NFX1: variants seen among roughly 807,000 people sequenced by gnomAD.
The protein encoded by NFX1 is transcriptional repressor NF-X1.
In NFX1, 69 loss-of-function variants were observed where a neutral mutation model predicts 137.2. The observed-to-expected ratio is 0.50, with a 90% CI of 0.41 to 0.61. NFX1 has a LOEUF of 0.61. NFX1 is among the 20% of genes least tolerant of loss of function. NFX1 has a pLI of 0.00. For synonymous variants in NFX1, 495 were observed against 474.1 expected (o/e 1.04, Z -0.57); for missense variants, 1,167 against 1,391.0 (o/e 0.84, Z 2.56).
chr9:33,355,524 T>C (rs1441168555), intron 19 of NFX1, among the ~76,000 whole-genome samples: 1 of 152,232 alleles, frequency 6.6e-6, no homozygotes, highest in Non-Finnish European at 1.5e-5. Context: ...AGCAATGCTT[T>C]ATTCATTTTT....
intron 17 of NFX1, among the ~76,000 whole-genome samples, 163 bp from the exon 18 acceptor site, chr9:33,353,923 C>CCCA (rs1823728844): frequency 6.6e-6 from 1 of 152,150 alleles, no homozygotes; most frequent in Admixed American, 6.5e-5. Context: ...CTCCTGACCT[C>CCCA]AGGTGATCCA....
At chr9:33,309,908 T>G (rs1358168250) in intron 5 of NFX1, among the ~76,000 whole-genome samples, 2 of 152,216 alleles carry the variant, frequency 1.3e-5, no homozygotes, top group Non-Finnish European at 2.9e-5. Flanking sequence ...TCCAGGCTTC[T>G]GAGATATTTG....
rs1017842383 is a variant in NFX1 at position 33,370,182 on chromosome 9, C to T, written c.*204C>T. ...AAAGTGTTTCATTATGACCAGATCT[C>T]TGATTGTATGGTCACTAGGTATGCA... On this transcript the variant is annotated 3_prime_UTR_variant, in exon 24 of 24. Transcript: ENST00000379540. 4.3e-5 allele frequency: 21 copies of T among 493,004 alleles called. No individual in the cohort carries two copies. The highest frequency in any genetic ancestry group is 6.4e-5 in the Non-Finnish European group (18 of 281,990). 30.5% of individuals were successfully genotyped at this position (493,004 alleles called of 1,614,324 possible). A position where few individuals can be genotyped will look rare whatever the true frequency, so the allele number is the denominator to read the frequency against.
chr9:33,323,528 G>A (rs1280128815), intron 9 of NFX1, among the ~76,000 whole-genome samples: 1 of 152,148 alleles, frequency 6.6e-6, no homozygotes, highest in African/African-American at 2.4e-5. Flanking sequence ...GCTGAGGCAG[G>A]AGGATCACGA....
At chr9:33,319,649 A>C (rs1016540274) in intron 9 of NFX1, among the ~76,000 whole-genome samples, 2 of 152,150 alleles carry the variant, frequency 1.3e-5, no homozygotes, top group African/African-American at 4.8e-5. Flanking sequence ...AGCTGGGACT[A>C]CAGGCGCACA....
rs372376101 is a variant in NFX1 at position 33,369,981 on chromosome 9, A to T, written c.*3A>T. 8 of 1,606,696 alleles carry T rather than the reference A, an allele frequency of 5.0e-6. No individual in the cohort carries two copies. The highest frequency in any genetic ancestry group is 6.8e-6 in the Non-Finnish European group (8 of 1,173,870). ...ACTATTTTGACGTCCAGGACTAAGA[A>T]GATCATGATGCACTTAGATAAAAGA... On this transcript the variant is annotated 3_prime_UTR_variant, in exon 24 of 24. Transcript: ENST00000379540.
Position 33,354,827 on chromosome 9 carries a change from A to T in NFX1, c.2832-24A>T, listed in dbSNP as rs762457413. The T allele has an allele frequency of 1.2e-5, 20 of 1,607,670 alleles. No homozygotes were observed. In the Admixed American group the frequency reaches 2.4e-4, roughly 19 times the overall value. The stretch of plus-strand genomic sequence containing the variant: ...CTGTACAGTCTGTATTCTGACTTTA[A>T]TTTTTTTTCATTTGCTTATCAAGGC... On this transcript the variant is annotated intron_variant, in intron 18 of 23. Transcript: ENST00000379540.
intron 19 of NFX1, among the ~76,000 whole-genome samples, chr9:33,361,314 A>T (rs1038601224): frequency 6.6e-6 from 1 of 152,116 alleles, no homozygotes. Flanking sequence ...AATTTTTAAA[A>T]TTTTTTTATT....
chr9:33,321,419 C>T (rs1379092019), intron 9 of NFX1, among the ~76,000 whole-genome samples: 6 of 152,142 alleles, frequency 3.9e-5, no homozygotes, highest in Non-Finnish European at 7.4e-5. Context: ...ATAGAAAGCT[C>T]GCTTAGGTCT....
At chr9:33,328,743 G>A in intron 10 of NFX1, 65 bp downstream of exon 10, 1 of 1,339,280 alleles carries the variant, frequency 7.5e-7, no homozygotes, top group Non-Finnish European at 1.1e-6. Flanking sequence ...GATTATGGGA[G>A]GGGAGGAATC....
At chr9:33,328,475 G>A in intron 9 of NFX1, 106 bp from the exon 10 acceptor site, 2 of 733,734 alleles carry the variant, frequency 2.7e-6, no homozygotes, top group East Asian at 5.0e-5. Context: ...CTCTGATTCT[G>A]GAGTTGCAGG....
chr9:33,326,626 G>T (rs569532365), intron 9 of NFX1, among the ~76,000 whole-genome samples: 2 of 152,056 alleles, frequency 1.3e-5, no homozygotes, highest in South Asian at 2.1e-4. Flanking sequence ...AGGCTAAAGT[G>T]GGGGATCACT....
chr9:33,334,013 C>T (rs1389629500), intron 11 of NFX1, among the ~76,000 whole-genome samples: 14 of 152,046 alleles, frequency 9.2e-5, no homozygotes, highest in African/African-American at 2.7e-4. Context: ...AGTACAGTGG[C>T]GCACCCCTGT....
At chr9:33,312,559 T>G (rs1406470058) in intron 6 of NFX1, among the ~76,000 whole-genome samples, 2 of 152,250 alleles carry the variant, frequency 1.3e-5, no homozygotes, top group African/African-American at 2.4e-5. Flanking sequence ...GAAAGAGACT[T>G]GAAGACAATT....
At chr9:33,337,065 C>G (rs1345091749) in intron 11 of NFX1, among the ~76,000 whole-genome samples, 2 of 152,106 alleles carry the variant, frequency 1.3e-5, no homozygotes, top group East Asian at 1.9e-4. Flanking sequence ...TTTGTAGAGA[C>G]AGGGTCTCAT....
intron 10 of NFX1, 55 bp downstream of exon 10, chr9:33,328,733 G>A (rs993852962): frequency 2.2e-6 from 3 of 1,392,416 alleles, no homozygotes; most frequent in South Asian, 2.3e-5. Flanking sequence ...TTAAAATGGT[G>A]ATTATGGGAG....
At chr9:33,294,364 A>G (rs886913038) in intron 1 of NFX1, 56 bp from the exon 2 acceptor site, 4 of 1,457,484 alleles carry the variant, frequency 2.7e-6, no homozygotes, top group Non-Finnish European at 3.7e-6. Flanking sequence ...GGAGTCTATG[A>G]GTTTCATGGA....
chr9:33,305,028 A>G (rs143076598), intron 4 of NFX1, among the ~76,000 whole-genome samples: 267 of 152,340 alleles, frequency 1.8e-3, no homozygotes, highest in African/African-American at 6.2e-3. Context: ...TAAAGGCCTT[A>G]TTTGCAGATG....
chr9:33,318,863 A>G (rs1564116610), intron 8 of NFX1, 33 bp downstream of exon 8: 3 of 1,613,950 alleles, frequency 1.9e-6, no homozygotes, highest in Non-Finnish European at 2.5e-6. Context: ...GTTGAACTAA[A>G]GCTGCACTTT....
Sources: allele counts gnomAD v4.1 joint callset (sites outside exome capture counted in the v4.1 genomes callset), GRCh38; gene constraint gnomAD v4.1.1; transcripts MANE v1.5; gene names NCBI Gene and HGNC (gene_info 2026-07-23, HGNC 2026-07-21).